Variants in SEMA3C observed in about 807,000 individuals in gnomAD.
The protein encoded by SEMA3C is semaphorin-3C.
In SEMA3C, 47 loss-of-function variants were observed where a neutral mutation model predicts 89.4. The ratio of observed to expected loss-of-function variants is 0.53; its 90% CI spans 0.42 to 0.67. The LOEUF is 0.67. SEMA3C is among the 30% of genes least tolerant of loss of function. The probability of loss-of-function intolerance (pLI) is 0.00; values close to 1 mark genes in which losing one functional copy is unlikely to be tolerated. For synonymous variants in SEMA3C, 310 were observed against 320.2 expected (o/e 0.97, Z 0.34); for missense variants, 839 against 929.1 (o/e 0.90, Z 1.26).
intron 12 of SEMA3C, among the ~76,000 whole-genome samples, chr7:80,775,802 C>T (rs1788535729): frequency 6.6e-6 from 1 of 152,136 alleles, no homozygotes; most frequent in East Asian, 1.9e-4. Flanking sequence ...GAATACATTA[C>T]CTTTTCCTAT....
At chr7:80,801,445 A>C (rs2115665250) in intron 9 of SEMA3C, among the ~76,000 whole-genome samples, 1 of 152,188 alleles carries the variant, frequency 6.6e-6, no homozygotes, top group East Asian at 1.9e-4. Flanking sequence ...GGCAAAAACA[A>C]AAGTATGCAC....
intron 2 of SEMA3C, among the ~76,000 whole-genome samples, chr7:80,882,412 CTTTTT>C (rs763742493): frequency 1.1e-4 from 5 of 46,652 alleles, no homozygotes; most frequent in South Asian, 7.9e-4. Flanking sequence ...GTAAGGGATG[CTTTTT>C]TTTTTTTTTT....
intron 12 of SEMA3C, among the ~76,000 whole-genome samples, chr7:80,768,116 G>A (rs1788343922): frequency 6.6e-6 from 1 of 152,164 alleles, no homozygotes; most frequent in Non-Finnish European, 1.5e-5. Context: ...CACTTCTTAA[G>A]CCACACTCAA....
At chr7:80,823,193 C>A (rs941665594) in intron 4 of SEMA3C, among the ~76,000 whole-genome samples, 6 of 152,092 alleles carry the variant, frequency 3.9e-5, no homozygotes, top group Non-Finnish European at 7.4e-5. Flanking sequence ...TCTTTAACAG[C>A]GATATAGCAT....
At chr7:80,849,048 T>C (rs1790452574) in intron 2 of SEMA3C, among the ~76,000 whole-genome samples, 1 of 152,138 alleles carries the variant, frequency 6.6e-6, no homozygotes, top group Non-Finnish European at 1.5e-5. Context: ...GCAAGAGATT[T>C]TACTGCCTTT....
At chr7:80,746,076 T>C (rs987829382) in intron 17 of SEMA3C, among the ~76,000 whole-genome samples, 4 of 152,090 alleles carry the variant, frequency 2.6e-5, no homozygotes, top group East Asian at 1.9e-4. Flanking sequence ...TGCCAATGAA[T>C]AGATAAAAAC....
intron 2 of SEMA3C, among the ~76,000 whole-genome samples, chr7:80,897,916 C>G (rs1394097957): frequency 6.6e-6 from 1 of 152,110 alleles, no homozygotes; most frequent in African/African-American, 2.4e-5. Context: ...TGTTTATAAA[C>G]TTAAAAATAT....
At chr7:80,785,862 C>T (rs193298230) in intron 12 of SEMA3C, among the ~76,000 whole-genome samples, 49 of 152,344 alleles carry the variant, frequency 3.2e-4, no homozygotes, top group African/African-American at 1.2e-3. Flanking sequence ...CTGGCCTTGG[C>T]CTCCCAAAGT....
intron 12 of SEMA3C, among the ~76,000 whole-genome samples, chr7:80,782,536 A>G (rs1456564098): frequency 6.6e-6 from 1 of 152,220 alleles, no homozygotes; most frequent in Non-Finnish European, 1.5e-5. Flanking sequence ...GTTATGGTAA[A>G]TGAGGTAAAA....
At chr7:80,903,608 G>A (rs548314586) in intron 2 of SEMA3C, among the ~76,000 whole-genome samples, 2 of 152,256 alleles carry the variant, frequency 1.3e-5, no homozygotes, top group South Asian at 4.2e-4. Flanking sequence ...GTTGCAGTGA[G>A]CTGAGATCAC....
chr7:80,861,130 C>G (rs7795137), intron 2 of SEMA3C, among the ~76,000 whole-genome samples: 15,177 of 151,966 alleles, frequency 0.1, 1,083 homozygotes, highest in African/African-American at 0.19. Context: ...GGCAGACTTT[C>G]AGTATAAAAC....
intron 7 of SEMA3C, 74 bp downstream of exon 7, chr7:80,805,565 T>A: frequency 7.7e-7 from 1 of 1,295,426 alleles, no homozygotes; most frequent in Non-Finnish European, 1.1e-6. Context: ...CCATTTTCCC[T>A]AGTTGTTAGG....
intron 12 of SEMA3C, among the ~76,000 whole-genome samples, chr7:80,786,471 G>C (rs932912137): frequency 6.6e-6 from 1 of 151,036 alleles, no homozygotes; most frequent in Non-Finnish European, 1.5e-5. Context: ...AGAAAAAAAA[G>C]AGAAAACAGT....
At chr7:80,902,479 A>C (rs923411675) in intron 2 of SEMA3C, among the ~76,000 whole-genome samples, 4 of 152,226 alleles carry the variant, frequency 2.6e-5, no homozygotes, top group African/African-American at 9.6e-5. Context: ...CTAACTGTGC[A>C]TATTAAAACA....
In SEMA3C at chr7:80,800,810, C is replaced by T. The variant is rs1217953602; in HGVS notation, c.933G>A (p.Leu311=). 3 of 1,514,052 alleles carry T rather than the reference C, an allele frequency of 2.0e-6. No individual in the cohort carries two copies. The highest frequency in any genetic ancestry group is 2.6e-6 in the Non-Finnish European group (3 of 1,137,274). 93.8% of individuals were successfully genotyped at this position (1,514,052 alleles called of 1,614,324 possible). A position where few individuals can be genotyped will look rare whatever the true frequency, so the allele number is the denominator to read the frequency against. Reference sequence around the variant, plus strand: ...GTGTTGTCCTCGGGTTATCAGTTTCCAGCAGAAACACATCCTCTATAAAAA... The same window carrying T: ...GTGTTGTCCTCGGGTTATCAGTTTCTAGCAGAAACACATCCTCTATAAAAA... ...HFDELEDVFL[L]ETDNPRTTLV... The change falls in exon 10 of 18, where the codon CTG becomes CTA. Residue 311 remains leucine (L), a synonymous_variant. Transcript: ENST00000265361.
intron 7 of SEMA3C, 65 bp from the exon 8 acceptor site, chr7:80,804,313 T>C: frequency 3.3e-6 from 4 of 1,207,176 alleles, no homozygotes; most frequent in Non-Finnish European, 3.4e-6. Context: ...GTCATCCAAG[T>C]AGACCACAGG....
chr7:80,789,684 T>TTACTATC (rs1361471499), intron 11 of SEMA3C, among the ~76,000 whole-genome samples, 156 bp from the exon 12 acceptor site: 2 of 152,230 alleles, frequency 1.3e-5, no homozygotes, highest in African/African-American at 4.8e-5. Context: ...TGATTATGTT[T>TTACTATC]TACTATCTGT....
chr7:80,865,374 T>C (rs1790901253), intron 2 of SEMA3C, among the ~76,000 whole-genome samples: 1 of 152,202 alleles, frequency 6.6e-6, no homozygotes, highest in Non-Finnish European at 1.5e-5. Context: ...TAAATGGTAC[T>C]GGCCTATTAA....
At chr7:80,836,679 AAAAC>A (rs201820910) in intron 2 of SEMA3C, among the ~76,000 whole-genome samples, 10,925 of 150,922 alleles carry the variant, frequency 0.072, 585 homozygotes, top group African/African-American at 0.14. Context: ...CTCCATCTCA[AAAAC>A]AAACAAACAA....
Sources: allele counts gnomAD v4.1 joint callset (sites outside exome capture counted in the v4.1 genomes callset), GRCh38; gene constraint gnomAD v4.1.1; transcripts MANE v1.5; gene names NCBI Gene and HGNC (gene_info 2026-07-23, HGNC 2026-07-21).